The following GGT1 variants were observed in gnomAD, a reference collection of about 807,000 sequenced individuals.
GGT1 encodes gamma-glutamyltransferase 1.
Under a neutral mutation model 56.0 loss-of-function variants are expected in GGT1, and 21 were observed. The observed-to-expected ratio is 0.38, with a 90% CI of 0.27 to 0.54. The LOEUF (loss-of-function observed/expected upper bound fraction) is 0.54, where lower values mean the gene tolerates loss of function less well. Among genes scored for constraint, GGT1 ranks in the 20% least tolerant of loss-of-function variants. The pLI is 0.82. For synonymous variants in GGT1, 238 were observed against 342.6 expected, an observed-to-expected ratio of 0.69 and a Z score of 3.37; for missense variants, 466 against 787.0, an observed-to-expected ratio of 0.59 and a Z score of 4.88.
the GGT1 span, among the ~76,000 whole-genome samples, chr22:24,587,972 G>C: frequency 1.3e-5 from 2 of 152,188 alleles, no homozygotes; most frequent in Non-Finnish European, 2.9e-5. Context: ...TGTATGAATG[G>C]CAGGAGGCAG....
rs770428382 is a variant in GGT1, at chr22:24,620,529, G to A, written c.575+9G>A. On this transcript the variant is annotated intron_variant, in intron 8 of 15. Transcript: ENST00000400382. This position sits in a 1 kb window ranked among gnomAD's most constrained non-coding sequence, Gnocchi z 5.6. ...CAGCAGCCTGTCTTGTGGTATGTCT[G>A]TGGGTGCGGCCCCCTGACACAGGCA... is the stretch of plus-strand genomic sequence containing the variant. The A allele has an allele frequency of 8.3e-5, 133 of 1,611,292 alleles. No individual in the cohort carries two copies. The highest frequency in any genetic ancestry group is 1.1e-4 in the Non-Finnish European group (126 of 1,179,778).
At chr22:24,614,348 C>CAAAAAAAAAAAAAAA (rs534749815) in intron 5 of GGT1, among the ~76,000 whole-genome samples, 4 of 10,748 alleles carry the variant, frequency 3.7e-4, no homozygotes, top group Admixed American at 1.2e-3. Flanking sequence ...GACTTTGTCT[C>CAAAAAAAAAAAAAAA]AAAAAAAAAA....
intron 11 of GGT1, 168 bp from the exon 12 acceptor site, chr22:24,627,264 G>C (rs1160631484): frequency 1.1e-5 from 15 of 1,307,492 alleles, no homozygotes; most frequent in African/African-American, 9.0e-5. Context: ...CAGGGAGTCA[G>C]ACTGGTCATG....
At chr22:24,625,392 G>GC (rs2047684230) in intron 11 of GGT1, among the ~76,000 whole-genome samples, 1 of 152,110 alleles carries the variant, frequency 6.6e-6, no homozygotes, top group Non-Finnish European at 1.5e-5. Flanking sequence ...TCCCACTTCA[G>GC]CCCCCTGAAC....
chr22:24,594,391 A>ATGTGTGTGTGTGTGTGTG (rs61535476), upstream of GGT1, among the ~76,000 whole-genome samples: 1 of 142,208 alleles, frequency 7.0e-6, no homozygotes, highest in Non-Finnish European at 1.5e-5. Flanking sequence ...ACCCGTGTGT[A>ATGTGTGTGTGTGTGTGTG]TGTGTGTGTG....
chr22:24,604,006 C>T (rs1172091726), intron 1 of GGT1, among the ~76,000 whole-genome samples: 1 of 152,166 alleles, frequency 6.6e-6, no homozygotes, highest in East Asian at 1.9e-4. Context: ...TTAAATCTTA[C>T]TGAAGGGGTG....
At chr22:24,616,214 G>A (rs988516824) in intron 7 of GGT1, among the ~76,000 whole-genome samples, 1 of 151,782 alleles carries the variant, frequency 6.6e-6, no homozygotes, top group Non-Finnish European at 1.5e-5. Context: ...AGGAGTTCAA[G>A]ACCAGCCTGG....
chr22:24,585,860 T>C, the GGT1 span: 2 of 1,541,930 alleles, frequency 1.3e-6, no homozygotes, highest in Non-Finnish European at 1.7e-6. Flanking sequence ...CACAAGTCAG[T>C]AGCAATGAGC....
At chr22:24,614,421 G>T (rs5760500) in intron 5 of GGT1, among the ~76,000 whole-genome samples, 1 of 143,442 alleles carries the variant, frequency 7.0e-6, no homozygotes, top group East Asian at 2.1e-4. Context: ...ATAGAGACCA[G>T]CCTGGCCAAC....
Position 24,628,963 on chromosome 22 carries a change from T to C in GGT1, c.*124T>C, listed in dbSNP as rs2047952070. On this transcript the variant is annotated 3_prime_UTR_variant, in exon 16 of 16. Transcript: ENST00000400382. The surrounding 1 kb of genome is among the most constrained non-coding windows in gnomAD (Gnocchi z 5.7). ...AGAGCAGCACAATAAATGAGGCCAC[T>C]GTGCCAGGCTCCAGGTGGCCTCCCT... 2.0e-6 allele frequency: 3 copies of C among 1,474,322 alleles called. No individual in the cohort carries two copies. Among genetic ancestry groups the C allele is most frequent in the Middle Eastern group, 2.4e-4 (1 of 4,140 alleles). 91.3% of individuals were successfully genotyped at this position (1,474,322 alleles called of 1,614,324 possible).
In GGT1 at chr22:24,620,830, G is replaced by T; in HGVS notation, c.576-83G>T. ...ACAGGCGCTGCCCCTGTTCTGCTCC[G>T]TTCTCCTGTGTGGACGGGTGTGAGG... On this transcript the variant is annotated intron_variant, in intron 8 of 15. Coordinates refer to ENST00000400382, the MANE Select transcript of GGT1 (RefSeq NM_001288833.2). The surrounding 1 kb of genome is among the most constrained non-coding windows in gnomAD (Gnocchi z 5.6). 6.4e-7 allele frequency: 1 copy of T among 1,564,292 alleles called. No individual in the cohort carries two copies. Among genetic ancestry groups the T allele is most frequent in the Non-Finnish European group, 8.7e-7 (1 of 1,154,018 alleles).
chr22:24,588,457 C>T, the GGT1 span: 1 of 797,174 alleles, frequency 1.3e-6, no homozygotes, highest in Non-Finnish European at 2.0e-6. Flanking sequence ...CACCGAGTTG[C>T]CCACCAGGGC....
chr22:24,620,412 T>C lies in GGT1; in HGVS notation c.467T>C (p.Leu156Pro). The C allele has an allele frequency of 6.2e-6, 10 of 1,611,346 alleles. No individual in the cohort carries two copies. Among genetic ancestry groups the C allele is most frequent in the Non-Finnish European group, 8.5e-6 (10 of 1,179,658 alleles). Residue 156 changes from leucine to proline, a missense_variant, in exon 8 of 16, where the codon CTC (leucine) becomes CCC (proline). Around this residue, in one of 2 missense-constraint regions of GGT1, gnomAD observed 456 missense variants for 716.7 expected, o/e 0.64. Coordinates refer to ENST00000400382, the MANE Select transcript of GGT1 (RefSeq NM_001288833.2). The surrounding 1 kb of genome is among the most constrained non-coding windows in gnomAD (Gnocchi z 5.6). The stretch of plus-strand genomic sequence containing the variant: ...CATGGGCGGCTGCCCTGGGCTCGCC[T>C]CTTCCAGCCCAGCATCCAGCTGGCC... The part of the protein sequence containing the change: ...QRHGRLPWAR[L>P]FQPSIQLARQ...
rs549973382 is a variant in GGT1, at chr22:24,627,530, C to G, written c.1119C>G (p.Phe373Leu). ...CGATCTCCTACTACAAGCCCGAGTT[C>G]TACACGCCGGATGACGGGGGCACTG... ...THPISYYKPE[F>L]YTPDDGGTAH... The change falls in exon 12 of 16, where the codon TTC becomes TTG. Residue 373 changes from phenylalanine to leucine, a missense_variant. By Grantham distance (22) the Phe-to-Leu change is conservative. Around this residue, in one of 2 missense-constraint regions of GGT1, gnomAD observed 456 missense variants for 716.7 expected, o/e 0.64. Transcript: ENST00000400382. 6.2e-7 allele frequency: 1 copy of G among 1,611,808 alleles called. No individual in the cohort carries two copies. Among genetic ancestry groups the G allele is most frequent in the East Asian group, 2.2e-5 (1 of 44,870 alleles).
In GGT1 at chr22:24,609,862, C is replaced by T. The variant is rs532159259; in HGVS notation, c.-358-103C>T. 1,423 of 395,242 alleles carry T rather than the reference C, an allele frequency of 3.6e-3. 12 individuals are homozygous for T. Among genetic ancestry groups the T allele is most frequent in the African/African-American group, 0.022 (1,053 of 48,182 alleles). The allele number at this position is 395,242 out of a possible 1,614,324, so 24.5% of individuals were successfully genotyped here. On this transcript the variant is annotated intron_variant, in intron 2 of 15. Transcript: ENST00000400382. The stretch of plus-strand genomic sequence containing the variant: ...GAGCAAGAGACCTGTGCCACTCAGG[C>T]CTCCTGGGGGTGTCCCCAGTGCAGC...
the GGT1 span, chr22:24,588,563 C>T: frequency 1.2e-6 from 1 of 819,730 alleles, no homozygotes; most frequent in East Asian, 3.2e-5. Flanking sequence ...TCCCGCAGTG[C>T]CCGGCGGGAG....
At position 24,628,399 on chromosome 22, in the gene GGT1, G is replaced by A. The variant is rs780752350; in HGVS notation, c.1563+11G>A. On this transcript the variant is annotated intron_variant, in intron 15 of 15. Coordinates refer to ENST00000400382, the MANE Select transcript of GGT1 (RefSeq NM_001288833.2). The surrounding 1 kb of genome is among the most constrained non-coding windows in gnomAD (Gnocchi z 5.7). ...AGAAACATTGACCAGGTGGGCCGGG[G>A]GTTGGAGAAACTGAGTCAAGGTGTG... 4.3e-6 allele frequency: 7 copies of A among 1,609,798 alleles called. No homozygotes were observed. The East Asian group carries it at 1.1e-4, about 26-fold the overall frequency.
At chr22:24,597,919 AC>A (rs376760600) in intron 1 of GGT1, 24 of 152,058 alleles carry the variant, frequency 1.6e-4, no homozygotes, top group African/African-American at 5.3e-4. Flanking sequence ...CACAAGACCA[AC>A]CCCCATCCCA....
the GGT1 span, chr22:24,583,760 T>C: frequency 2.1e-6 from 1 of 471,190 alleles, no homozygotes; most frequent in African/African-American, 2.0e-5. Flanking sequence ...GCCTGGATTC[T>C]CCCAGAGATT....
Sources: allele counts gnomAD v4.1 joint callset (sites outside exome capture counted in the v4.1 genomes callset), GRCh38; gene constraint gnomAD v4.1.1; regional missense constraint gnomAD v4.1.1; non-coding constraint Gnocchi (gnomAD v3.1); transcripts MANE v1.5; gene names NCBI Gene and HGNC (gene_info 2026-07-23, HGNC 2026-07-21).